Variants in CCL3L3 observed in about 807,000 individuals in gnomAD.
CCL3L3 encodes the protein C-C motif chemokine ligand 3 like 3.
Under a neutral mutation model 9.0 loss-of-function variants are expected in CCL3L3, and 6 were observed. The ratio of observed to expected loss-of-function variants is 0.67; its 90% CI spans 0.37 to 1.32. CCL3L3 has a LOEUF of 1.32. Among genes scored for constraint, CCL3L3 ranks in the 40% most tolerant of loss-of-function variants. The pLI is 0.02. For synonymous variants in CCL3L3, 38 were observed against 45.7 expected (o/e 0.83, Z 0.68); for missense variants, 93 against 117.0 (o/e 0.79, Z 0.95).
At chr17:36,195,727 T>A in intron 2 of CCL3L3, 71 bp downstream of exon 2, 5 of 1,532,382 alleles carry the variant, frequency 3.3e-6, no homozygotes, top group Non-Finnish European at 4.5e-6. Flanking sequence ...AGGATGGCCT[T>A]CTGGCCTGTT....
In CCL3L3 at chr17:36,195,338, G is replaced by C; in HGVS notation, c.230C>G (p.Pro77Arg). ...GTATTTCTGGACCCACTCCTCACTG[G>C]GGTCAGCACAGACCTGCCGGCCTCT... is the stretch of plus-strand genomic sequence containing the variant. Reference protein sequence around the residue: ...TKRGRQVCADPSEEWVQKYVS... With the variant: ...TKRGRQVCADRSEEWVQKYVS... The change falls in exon 3 of 3, where the codon CCC (proline) becomes CGC (arginine). Residue 77 changes from proline to arginine, a missense_variant. Physicochemically the swap from Pro to Arg is moderately radical, Grantham distance 103. Coordinates refer to ENST00000619989, the MANE Select transcript of CCL3L3 (RefSeq NM_001001437.4). 6.3e-7 allele frequency: 1 copy of C among 1,582,700 alleles called. No homozygotes were observed. Among genetic ancestry groups the C allele is most frequent in the Non-Finnish European group, 8.6e-7 (1 of 1,157,694 alleles).
Position 36,195,988 on chromosome 17 carries a change from T to C in CCL3L3, c.77-76A>G, listed in dbSNP as rs1394265913. 17 of 1,364,310 alleles carry C rather than the reference T, an allele frequency of 1.2e-5. 1 individual carries two copies. The South Asian group carries it at 1.6e-4, about 13-fold the overall frequency. 84.5% of individuals were successfully genotyped at this position (1,364,310 alleles called of 1,614,324 possible). A position where few individuals can be genotyped will look rare whatever the true frequency, so the allele number is the denominator to read the frequency against. On this transcript the variant is annotated intron_variant, in intron 1 of 2. Coordinates refer to ENST00000619989, the MANE Select transcript of CCL3L3 (RefSeq NM_001001437.4). ...CAGGCAGCTTCTGATCCCTGAGTGG[T>C]TGAGGAGGGCAGGCTTGCTCAGACC...
chr17:36,196,554 A>C, intron 1 of CCL3L3, 44 bp downstream of exon 1: 2 of 1,555,990 alleles, frequency 1.3e-6, no homozygotes, highest in Non-Finnish European at 1.8e-6. Context: ...TGGTCTAACC[A>C]TGGCCAGAGA....
chr17:36,195,076 A>G lies in CCL3L3; in HGVS notation c.*210T>C. The G allele has an allele frequency of 1.8e-6, 1 of 565,548 alleles. No individual in the cohort carries two copies. 35.0% of individuals were successfully genotyped at this position (565,548 alleles called of 1,614,324 possible). ...TCTCAGAGCAAACAATCACAAACAC[A>G]CTGTGAAATCAAAAATAAATTATAA... On this transcript the variant is annotated 3_prime_UTR_variant, in exon 3 of 3. Transcript: ENST00000619989.
intron 1 of CCL3L3, 148 bp from the exon 2 acceptor site, chr17:36,196,060 T>C: frequency 1.1e-6 from 1 of 925,174 alleles, no homozygotes; most frequent in Non-Finnish European, 1.7e-6. Context: ...AATGTCTCTT[T>C]GTTTCTGTCT....
chr17:36,195,575 CCTT>C, intron 2 of CCL3L3, 199 bp from the exon 3 acceptor site: 2 of 1,028,676 alleles, frequency 1.9e-6, no homozygotes, highest in Non-Finnish European at 3.0e-6. Context: ...CCTGCTGCCT[CCTT>C]CTTCCTGTCC....
chr17:36,195,720 A>C, intron 2 of CCL3L3, 78 bp downstream of exon 2: 1 of 1,510,278 alleles, frequency 6.6e-7, no homozygotes, highest in Non-Finnish European at 9.2e-7. Flanking sequence ...CCTTTCCAGG[A>C]TGGCCTTCTG....
Position 36,196,641 on chromosome 17 carries a change from G to T in CCL3L3, c.33C>A (p.Leu11=). The part of the protein sequence containing the change: MQVSTAALAV[L]LCTMALCNQV... Reference sequence around the variant, plus strand: ...GGTTGCAGAGAGCCATGGTGCAGAGGAGGACGGCAAGGGCAGCAGTGGAGA... The same window carrying T: ...GGTTGCAGAGAGCCATGGTGCAGAGTAGGACGGCAAGGGCAGCAGTGGAGA... The change falls in exon 1 of 3, where the codon CTC becomes CTA. Residue 11 remains leucine, a synonymous_variant. Coordinates refer to ENST00000619989, the MANE Select transcript of CCL3L3 (RefSeq NM_001001437.4). 1 of 1,581,134 alleles carries T rather than the reference G, an allele frequency of 6.3e-7. No homozygotes were observed. Among genetic ancestry groups the T allele is most frequent in the African/African-American group, 1.3e-5 (1 of 74,842 alleles).
At chr17:36,196,485 G>T in intron 1 of CCL3L3, 113 bp downstream of exon 1, 2 of 1,300,118 alleles carry the variant, frequency 1.5e-6, no homozygotes, top group Non-Finnish European at 1.1e-6. Flanking sequence ...GTTTGGCAGC[G>T]CTTTAAGAAC....
In CCL3L3 at chr17:36,195,928, A is replaced by G; in HGVS notation, c.77-16T>C. 1.3e-6 allele frequency: 2 copies of G among 1,582,122 alleles called. No homozygotes were observed. The highest frequency in any genetic ancestry group is 1.7e-6 in the Non-Finnish European group (2 of 1,156,908). ...TCAGCAGCAACTGCGGAGAAAGGAG[A>G]GAATAAGCCCGAGTCACAGCTCAGA... On this transcript the variant is annotated splice_polypyrimidine_tract_variant and intron_variant, in intron 1 of 2. Transcript: ENST00000619989.
intron 1 of CCL3L3, 176 bp downstream of exon 1, chr17:36,196,422 C>T: frequency 7.0e-6 from 6 of 853,428 alleles, no homozygotes; most frequent in South Asian, 1.4e-5. Flanking sequence ...ACTAGGAGGG[C>T]TAAGACCCCT....
At position 36,195,120 on chromosome 17, in the gene CCL3L3, A is replaced by G. The variant is rs2068606242; in HGVS notation, c.*166T>C. 3.9e-6 allele frequency: 3 copies of G among 759,936 alleles called. No homozygotes were observed. The Admixed American group carries it at 8.0e-5, about 20-fold the overall frequency. The allele number at this position is 759,936 out of a possible 1,614,324, so 47.1% of individuals were successfully genotyped here. On this transcript the variant is annotated 3_prime_UTR_variant, in exon 3 of 3. Transcript: ENST00000619989. ...ATTATAAAAACTAAATAGTATAAATAAATTAAAATTTAAGTTAAGAAGAGT... is the reference window on the plus strand; with the variant it reads ...ATTATAAAAACTAAATAGTATAAATGAATTAAAATTTAAGTTAAGAAGAGT...
rs1326738319 is a variant in CCL3L3 at position 36,195,419 on chromosome 17, C to A, written c.192-43G>T. On this transcript the variant is annotated intron_variant, in intron 2 of 2. Coordinates refer to ENST00000619989, the MANE Select transcript of CCL3L3 (RefSeq NM_001001437.4). ...AGAGTTAAGCACTGGGGAATCCAGC[C>A]GGGGAATCCTGGGCCCACCATGGCC... 1,529 of 1,516,398 alleles carry A rather than the reference C, an allele frequency of 1.0e-3. 15 individuals are homozygous for A. Among genetic ancestry groups the A allele is most frequent in the African/African-American group, 2.4e-3 (176 of 74,228 alleles). The allele number at this position is 1,516,398 out of a possible 1,614,324, so 93.9% of individuals were successfully genotyped here.
Position 36,196,139 on chromosome 17 carries a change from T to C in CCL3L3, c.77-227A>G, listed in dbSNP as rs1328036230. Reference sequence around the variant, plus strand: ...TCTCTATGTGATCCAGATACCTGAATGGACTGTTCTCTTAGCTCTCTTCAT... The same window carrying C: ...TCTCTATGTGATCCAGATACCTGAACGGACTGTTCTCTTAGCTCTCTTCAT... On this transcript the variant is annotated intron_variant, in intron 1 of 2. Coordinates refer to ENST00000619989, the MANE Select transcript of CCL3L3 (RefSeq NM_001001437.4). 88 of 642,266 alleles carry C rather than the reference T, an allele frequency of 1.4e-4. No individual in the cohort carries two copies. In the East Asian group the frequency reaches 2.3e-3, roughly 17 times the overall value. 39.8% of individuals were successfully genotyped at this position (642,266 alleles called of 1,614,324 possible).
rs1455688146 is a variant in CCL3L3 at position 36,196,704 on chromosome 17, G to C, written c.-31C>G. On this transcript the variant is annotated 5_prime_UTR_variant, in exon 1 of 3. Transcript: ENST00000619989. ...GGAGCAGGTGATGGAATGTGGGCTC[G>C]AGTGTCAGCAGAGCCAAGAAGGGAC... 1.4e-4 allele frequency: 217 copies of C among 1,573,394 alleles called. 19 individuals are homozygous for C. Among genetic ancestry groups the C allele is most frequent in the Non-Finnish European group, 1.8e-4 (208 of 1,150,192 alleles).
chr17:36,196,460 GA>G (rs1384453891), intron 1 of CCL3L3, 137 bp downstream of exon 1: 1 of 1,114,982 alleles, frequency 9.0e-7, no homozygotes, highest in Admixed American at 2.0e-5. Context: ...AAGTTGTGAA[GA>G]AAAAGACCAA....
At chr17:36,196,533 A>T in intron 1 of CCL3L3, 65 bp downstream of exon 1, 3 of 1,536,552 alleles carry the variant, frequency 2.0e-6, no homozygotes, top group Non-Finnish European at 2.7e-6. Flanking sequence ...GGCCACAAAA[A>T]AAGACTGATG....
At chr17:36,196,045 A>G (rs2068617762) in intron 1 of CCL3L3, 133 bp from the exon 2 acceptor site, 1 of 1,025,426 alleles carries the variant, frequency 9.8e-7, no homozygotes, top group African/African-American at 1.4e-5. Context: ...GGGGTTTTGC[A>G]GAGAAATGTC....
chr17:36,196,505 T>G, intron 1 of CCL3L3, 93 bp downstream of exon 1: 4 of 1,425,474 alleles, frequency 2.8e-6, no homozygotes, highest in Non-Finnish European at 3.9e-6. Context: ...CTTCCTTCTT[T>G]TCTCTTCGGG....
Sources: allele counts gnomAD v4.1 joint callset, GRCh38; gene constraint gnomAD v4.1.1; transcripts MANE v1.5; gene names NCBI Gene and HGNC (gene_info 2026-07-23, HGNC 2026-07-21).